The following ACTR3C variants were observed in gnomAD, a reference collection of about 807,000 sequenced individuals.
ACTR3C encodes the protein actin-related protein 3C.
Under a neutral mutation model 26.3 loss-of-function variants are expected in ACTR3C, and 18 were observed. The observed-to-expected ratio is 0.68, with a 90% CI of 0.47 to 1.01. ACTR3C has a LOEUF of 1.01. Among genes scored for constraint, ACTR3C ranks in the 50% least tolerant of loss-of-function variants. ACTR3C has a pLI of 0.00. For missense variants in ACTR3C, 184 were observed against 250.7 expected (o/e 0.73, Z 1.80); for synonymous variants, 55 against 94.5 (o/e 0.58, Z 2.42).
At chr7:149,934,691 G>A in the ACTR3C span, among the ~76,000 whole-genome samples, 123 of 149,106 alleles carry the variant, frequency 8.2e-4, no homozygotes, top group Non-Finnish European at 1.4e-3. Flanking sequence ...ACTCAGATGA[G>A]GCCCTGGCCA....
At chr7:149,960,546 C>T in the ACTR3C span, among the ~76,000 whole-genome samples, 2 of 152,066 alleles carry the variant, frequency 1.3e-5, no homozygotes, top group Admixed American at 1.3e-4. Flanking sequence ...TTGGGAACAC[C>T]AGGGAAGGCT....
the ACTR3C span, among the ~76,000 whole-genome samples, chr7:150,216,952 C>T: frequency 3.5e-5 from 5 of 142,710 alleles, no homozygotes; most frequent in Non-Finnish European, 6.0e-5. Context: ...TGCCACTGCA[C>T]TCTAGCCTGG....
the ACTR3C span, among the ~76,000 whole-genome samples, chr7:150,198,260 C>G: frequency 1.3e-5 from 2 of 149,036 alleles, no homozygotes; most frequent in East Asian, 2.0e-4. Flanking sequence ...TCTGCCCGGC[C>G]GCCACCCCGT....
intron 2 of ACTR3C, 142 bp from the exon 3 acceptor site, chr7:150,293,561 CT>C (rs1836466797): frequency 1.2e-5 from 10 of 854,382 alleles, no homozygotes; most frequent in South Asian, 1.9e-5. Flanking sequence ...CCTCTAACCC[CT>C]GTCCCTCAAA....
the ACTR3C span, among the ~76,000 whole-genome samples, chr7:150,126,768 C>G: frequency 1.3e-5 from 2 of 152,260 alleles, no homozygotes; most frequent in Admixed American, 1.3e-4. Context: ...ATGATTGGAC[C>G]TGCATAGGTA....
chr7:150,008,129 C>A, the ACTR3C span, among the ~76,000 whole-genome samples: 1 of 152,230 alleles, frequency 6.6e-6, no homozygotes, highest in African/African-American at 2.4e-5. Context: ...GTTGGACTTG[C>A]ATTCAGCTAA....
the ACTR3C span, among the ~76,000 whole-genome samples, chr7:150,098,344 A>T: frequency 6.6e-6 from 1 of 151,684 alleles, no homozygotes; most frequent in Non-Finnish European, 1.5e-5. Context: ...CCTTGCTTTT[A>T]GTCATCTACA....
At chr7:150,319,406 C>T (rs1585022740) in intron 1 of ACTR3C, among the ~76,000 whole-genome samples, 1 of 152,212 alleles carries the variant, frequency 6.6e-6, no homozygotes, top group African/African-American at 2.4e-5. Flanking sequence ...GGGGTTTCTC[C>T]ATGTTTCTCA....
At chr7:150,087,300 G>A in the ACTR3C span, among the ~76,000 whole-genome samples, 2 of 151,842 alleles carry the variant, frequency 1.3e-5, no homozygotes, top group Non-Finnish European at 2.9e-5. Flanking sequence ...ATTTAAACAT[G>A]GCAACAAAGT....
At chr7:149,926,158 A>G in the ACTR3C span, among the ~76,000 whole-genome samples, 1 of 152,164 alleles carries the variant, frequency 6.6e-6, no homozygotes, top group Non-Finnish European at 1.5e-5. Flanking sequence ...AACAATAAAG[A>G]AAAGATGAAT....
the ACTR3C span, among the ~76,000 whole-genome samples, chr7:149,910,832 G>C: frequency 7.3e-5 from 11 of 151,446 alleles, no homozygotes; most frequent in South Asian, 2.1e-4. Context: ...GAATGGATAA[G>C]GTCTGGGGAA....
chr7:149,987,561 T>C, the ACTR3C span, among the ~76,000 whole-genome samples: 2 of 139,714 alleles, frequency 1.4e-5, no homozygotes, highest in African/African-American at 5.1e-5. Context: ...AGCAAGACTG[T>C]CTCAAAAAAG....
the ACTR3C span, among the ~76,000 whole-genome samples, chr7:149,968,464 C>T: frequency 7.2e-5 from 11 of 152,106 alleles, no homozygotes; most frequent in South Asian, 2.1e-4. Context: ...ACCCAGGAGG[C>T]GGAGTTTGCA....
the ACTR3C span, among the ~76,000 whole-genome samples, chr7:150,049,346 A>G: frequency 6.6e-6 from 1 of 152,084 alleles, no homozygotes; most frequent in Non-Finnish European, 1.5e-5. Context: ...CCGGCCGGGA[A>G]GGACCTATCA....
rs987711272 is a variant in ACTR3C, at chr7:150,274,597, T to C, written c.564+10156A>G. ...TACTACACTTCAGCCTGTGTAAGGG[T>C]GACCTAATAATTCCATGAGACGCTT... On this transcript the variant is annotated intron_variant, in intron 6 of 7. Coordinates refer to ENST00000683684, the MANE Select transcript of ACTR3C (RefSeq NM_001164458.2). This position sits in a 1 kb window ranked among gnomAD's most constrained non-coding sequence, Gnocchi z 4.1. Among the ~76,000 whole-genome samples the C allele has an allele frequency of 1.3e-5, 2 of 152,024 alleles. No individual in the cohort carries two copies. Among genetic ancestry groups the C allele is most frequent in the African/African-American group, 4.8e-5 (2 of 41,368 alleles).
At chr7:150,195,125 A>G in the ACTR3C span, among the ~76,000 whole-genome samples, 8 of 141,804 alleles carry the variant, frequency 5.6e-5, no homozygotes, top group East Asian at 2.0e-4. Flanking sequence ...ATATATATGT[A>G]TATATATATA....
chr7:150,250,080 G>A (rs571964191), intron 6 of ACTR3C, among the ~76,000 whole-genome samples: 1 of 152,188 alleles, frequency 6.6e-6, no homozygotes, highest in South Asian at 2.1e-4. Context: ...CTTCGCAGAG[G>A]AAATGGGGTA....
the ACTR3C span, among the ~76,000 whole-genome samples, chr7:150,141,519 T>C: frequency 6.6e-6 from 1 of 151,036 alleles, no homozygotes; most frequent in Non-Finnish European, 1.5e-5. Flanking sequence ...CCCTGCTATT[T>C]ATACAACAGA....
chr7:150,250,274 G>A (rs1832749463), intron 6 of ACTR3C, among the ~76,000 whole-genome samples: 1 of 149,246 alleles, frequency 6.7e-6, no homozygotes, highest in African/African-American at 2.5e-5. Context: ...CGCGATCTCG[G>A]CTCACTGCAA....
Sources: allele counts gnomAD v4.1 joint callset (sites outside exome capture counted in the v4.1 genomes callset), GRCh38; gene constraint gnomAD v4.1.1; non-coding constraint Gnocchi (gnomAD v3.1); transcripts MANE v1.5; gene names NCBI Gene and HGNC (gene_info 2026-07-23, HGNC 2026-07-21).